ZC3H12B: variants seen among roughly 807,000 people sequenced by gnomAD.
ZC3H12B encodes probable ribonuclease ZC3H12B.
In ZC3H12B, 7 loss-of-function variants were observed where a neutral mutation model predicts 43.9. The ratio of observed to expected loss-of-function variants is 0.16; its 90% CI spans 0.09 to 0.30. ZC3H12B has a LOEUF of 0.30. Among genes scored for constraint, ZC3H12B ranks in the 10% least tolerant of loss-of-function variants. The pLI is 1.00. For synonymous variants in ZC3H12B, 222 were observed against 241.7 expected, an observed-to-expected ratio of 0.92 and a Z score of 0.76; for missense variants, 475 against 670.2, an observed-to-expected ratio of 0.71 and a Z score of 3.22.
chrX:65,346,849 G>A, the ZC3H12B span, among the ~76,000 whole-genome samples: 1 of 112,320 alleles, frequency 8.9e-6, no homozygotes, highest in African/African-American at 3.2e-5. Flanking sequence ...CAGAGCACCT[G>A]GGGAATGGGG....
Position 65,408,527 on chromosome X carries a change from G to A in ZC3H12B, n.407+9823G>A, listed in dbSNP as rs1424378442. On this transcript the variant is annotated intron_variant and non_coding_transcript_variant, in intron 3 of 5. Transcript: ENST00000617377. ...AGTTCCCCTTACGCCTCACCCTTCG[G>A]GACTTCAGCCTCCTGGAATCCCGCC... 7 of 1,206,201 alleles carry A rather than the reference G, an allele frequency of 5.8e-6. No individual in the cohort carries two copies. The Admixed American group carries it at 1.5e-4, about 27-fold the overall frequency.
At chrX:65,289,734 G>C in the ZC3H12B span, among the ~76,000 whole-genome samples, 2 of 109,955 alleles carry the variant, frequency 1.8e-5, no homozygotes, top group African/African-American at 6.6e-5. Context: ...TTTGCATTAG[G>C]GAAAAGGACA....
intron 3 of ZC3H12B, among the ~76,000 whole-genome samples, chrX:65,462,542 A>C (rs185978550): frequency 8.9e-6 from 1 of 112,124 alleles, no homozygotes; most frequent in Admixed American, 9.5e-5. Flanking sequence ...AACTTCATTA[A>C]TCAGATACAT....
the ZC3H12B span, among the ~76,000 whole-genome samples, chrX:65,340,976 G>T: frequency 8.9e-6 from 1 of 111,913 alleles, no homozygotes. Context: ...TGGCCCAGGA[G>T]CTTACAGACA....
chrX:65,154,697 G>A, the ZC3H12B span, among the ~76,000 whole-genome samples: 1 of 110,917 alleles, frequency 9.0e-6, no homozygotes, highest in Non-Finnish European at 1.9e-5. Flanking sequence ...AAAAATAAAA[G>A]AATTAGCTGG....
the ZC3H12B span, among the ~76,000 whole-genome samples, chrX:65,102,100 A>G: frequency 8.9e-6 from 1 of 112,013 alleles, no homozygotes; most frequent in Admixed American, 9.4e-5. Context: ...CAATAAATGT[A>G]ATCCATCACA....
chrX:65,317,255 TAA>T, the ZC3H12B span, among the ~76,000 whole-genome samples: 6 of 98,369 alleles, frequency 6.1e-5, no homozygotes, highest in African/African-American at 2.1e-4. Flanking sequence ...CTCAACCAAT[TAA>T]AAAAAAAAAA....
chrX:65,245,406 A>G, the ZC3H12B span, among the ~76,000 whole-genome samples: 12 of 111,913 alleles, frequency 1.1e-4, no homozygotes, highest in African/African-American at 3.9e-4. Context: ...GCTGCAGGCC[A>G]ATATCCTTGA....
chrX:65,402,339 T>A (rs1052638817), intron 3 of ZC3H12B, among the ~76,000 whole-genome samples: 3 of 111,856 alleles, frequency 2.7e-5, no homozygotes, highest in African/African-American at 9.8e-5. Flanking sequence ...TGTCACTCTA[T>A]TTCCTGACTC....
chrX:65,381,136 T>A (rs1431939638), intron 2 of ZC3H12B, among the ~76,000 whole-genome samples: 1 of 111,060 alleles, frequency 9.0e-6, no homozygotes, highest in Non-Finnish European at 1.9e-5. Flanking sequence ...CCACCCCAAA[T>A]CAACAGAATA....
the ZC3H12B span, among the ~76,000 whole-genome samples, chrX:65,169,066 C>T: frequency 1.8e-4 from 20 of 111,090 alleles, no homozygotes; most frequent in East Asian, 5.1e-3. Context: ...TATTTCTTGC[C>T]TTCTGCTAGC....
the ZC3H12B span, among the ~76,000 whole-genome samples, chrX:65,116,729 C>G: frequency 4.6e-5 from 5 of 109,499 alleles, no homozygotes; most frequent in African/African-American, 1.7e-4. Context: ...CCCCAAACCA[C>G]AACAGGCCTC....
chrX:65,482,474 TC>T (rs952566495), intron 3 of ZC3H12B, among the ~76,000 whole-genome samples: 1 of 112,079 alleles, frequency 8.9e-6, no homozygotes, highest in African/African-American at 3.2e-5. Context: ...AGAGACCGTC[TC>T]CTGTAGCATA....
At chrX:65,166,034 C>A in the ZC3H12B span, among the ~76,000 whole-genome samples, 1 of 101,259 alleles carries the variant, frequency 9.9e-6, no homozygotes, top group Non-Finnish European at 1.9e-5. Flanking sequence ...ATTTGTATTT[C>A]TTTTTCTTTC....
the ZC3H12B span, among the ~76,000 whole-genome samples, chrX:65,136,589 G>A: frequency 0.082 from 9,093 of 110,658 alleles, 1,014 homozygotes; most frequent in African/African-American, 0.29. Flanking sequence ...CCCTTCTATG[G>A]TCCTTTGGCT....
intron 1 of ZC3H12B, 47 bp downstream of exon 6, chrX:65,489,456 G>A: frequency 8.8e-7 from 1 of 1,138,213 alleles, no homozygotes; most frequent in South Asian, 2.2e-5. Flanking sequence ...ACTGCCCTGA[G>A]CTCATAGAAA....
chrX:65,447,144 C>A (rs980179985), intron 3 of ZC3H12B, among the ~76,000 whole-genome samples: 1 of 111,594 alleles, frequency 9.0e-6, no homozygotes, highest in African/African-American at 3.3e-5. Flanking sequence ...CTCCTTCTTG[C>A]ACTTCTATAA....
intron 2 of ZC3H12B, among the ~76,000 whole-genome samples, chrX:65,385,753 C>T (rs902776780): frequency 9.0e-6 from 1 of 111,650 alleles, no homozygotes; most frequent in African/African-American, 3.3e-5. Context: ...CCAGTTTTTG[C>T]CTATTCAGTA....
In ZC3H12B at chrX:65,457,430, C is replaced by T. The variant is rs1281478446; in HGVS notation, n.408-31216C>T. Among the ~76,000 whole-genome samples, 338 of 77,956 alleles carry T rather than the reference C, an allele frequency of 4.3e-3. 4 individuals carry two copies. The highest frequency in any genetic ancestry group is 6.5e-3 in the Non-Finnish European group (282 of 43,168). 67.7% of individuals were successfully genotyped at this position (77,956 alleles called of 115,157 possible). The stretch of plus-strand genomic sequence containing the variant: ...CCTCTGCCTGGCCGGCCGCCCCGTC[C>T]GGGAGGGTGGTGGGGGGGTCAGCCC... On this transcript the variant is annotated intron_variant and non_coding_transcript_variant, in intron 3 of 5. Transcript: ENST00000617377.
Sources: gnomAD v4.1 joint callset for allele counts (sites outside exome capture counted in the v4.1 genomes callset) on GRCh38, gnomAD v4.1.1 for gene constraint, MANE v1.5 for transcripts, NCBI Gene and HGNC (gene_info 2026-07-23, HGNC 2026-07-21) for gene names.